Variants in PTPRN2 observed in about 807,000 individuals in gnomAD.
The protein encoded by PTPRN2 is protein tyrosine phosphatase receptor type N2.
Under a neutral mutation model 118.8 loss-of-function variants are expected in PTPRN2, and 74 were observed. The observed-to-expected ratio is 0.62, with a 90% CI of 0.52 to 0.76. The LOEUF (loss-of-function observed/expected upper bound fraction) is 0.76, where lower values mean the gene tolerates loss of function less well. Ranked by LOEUF, PTPRN2 falls within the 30% of genes least tolerant of loss-of-function variation. The pLI is 0.00. For missense variants in PTPRN2, 1,481 were observed against 1,394.4 expected (o/e 1.06, Z -0.99); for synonymous variants, 641 against 608.0 (o/e 1.05, Z -0.80).
At chr7:158,021,984 G>A (rs1806910691) in intron 11 of PTPRN2, among the ~76,000 whole-genome samples, 1 of 152,174 alleles carries the variant, frequency 6.6e-6, no homozygotes, top group Admixed American at 6.5e-5. Flanking sequence ...TGCTGCTACT[G>A]CCCTGGCTGA....
rs200877089 is a variant in PTPRN2, at chr7:158,084,806, GC to G, written c.1644-3430del. On this transcript the variant is annotated intron_variant, in intron 10 of 22. Transcript: ENST00000389418. Reference sequence around the variant, plus strand: ...ACCCACGATGCCCATCCACACGGATGCCCATACACTCCTACAATGCCCATCC... The same window carrying G: ...ACCCACGATGCCCATCCACACGGATGCCATACACTCCTACAATGCCCATCC... 4.2e-3 allele frequency among the ~76,000 whole-genome samples: 590 copies of G among 141,240 alleles called. 5 individuals are homozygous for G. Among genetic ancestry groups the G allele is most frequent in the African/African-American group, 0.015 (553 of 37,012 alleles). The allele number at this position is 141,240 out of a possible 152,430, so 92.7% of individuals were successfully genotyped here.
chr7:157,743,198 C>T (rs2150965564), intron 12 of PTPRN2, among the ~76,000 whole-genome samples: 1 of 152,310 alleles, frequency 6.6e-6, no homozygotes, highest in South Asian at 2.1e-4. Flanking sequence ...GGGGTGAGGG[C>T]AGGGGAGGCA....
At chr7:157,778,503 C>T (rs1803477848) in intron 12 of PTPRN2, among the ~76,000 whole-genome samples, 1 of 152,182 alleles carries the variant, frequency 6.6e-6, no homozygotes, top group East Asian at 1.9e-4. Context: ...CACGTGAATA[C>T]AGGTATCGAA....
At chr7:158,247,035 CAT>C (rs565047831) in intron 3 of PTPRN2, among the ~76,000 whole-genome samples, 24 of 152,204 alleles carry the variant, frequency 1.6e-4, no homozygotes, top group Admixed American at 2.6e-4. Flanking sequence ...GGCTGGGAGA[CAT>C]GTGTGAGGAC....
At chr7:157,567,934 G>A (rs981818666) in intron 21 of PTPRN2, among the ~76,000 whole-genome samples, 2 of 152,166 alleles carry the variant, frequency 1.3e-5, no homozygotes, top group Non-Finnish European at 2.9e-5. Flanking sequence ...CACCTGCCCT[G>A]TGATGCCCAA....
chr7:157,933,391 ACT>A (rs1428219277), intron 11 of PTPRN2, among the ~76,000 whole-genome samples: 1 of 140,444 alleles, frequency 7.1e-6, no homozygotes, highest in Non-Finnish European at 1.5e-5. Context: ...AGGGTGAGTC[ACT>A]CTGACTGACA....
At chr7:157,851,140 G>A (rs1350386688) in intron 12 of PTPRN2, among the ~76,000 whole-genome samples, 2 of 152,172 alleles carry the variant, frequency 1.3e-5, no homozygotes, top group Non-Finnish European at 2.9e-5. Context: ...AAATATCTGT[G>A]ATAATTACCA....
chr7:158,566,602 C>A (rs1827687118), intron 1 of PTPRN2, among the ~76,000 whole-genome samples: 1 of 152,216 alleles, frequency 6.6e-6, no homozygotes, highest in Non-Finnish European at 1.5e-5. Context: ...TTTCTGAATT[C>A]CCTCCTCTAA....
At chr7:157,871,335 T>C (rs1811033174) in intron 12 of PTPRN2, among the ~76,000 whole-genome samples, 1 of 152,008 alleles carries the variant, frequency 6.6e-6, no homozygotes, top group African/African-American at 2.4e-5. Context: ...GCCCTGCAGG[T>C]GATTCTGATG....
chr7:157,573,106 C>T (rs184732504), intron 19 of PTPRN2, among the ~76,000 whole-genome samples: 24 of 152,316 alleles, frequency 1.6e-4, no homozygotes, highest in African/African-American at 5.1e-4. Flanking sequence ...TGTAAAGCAT[C>T]GAGGGCTCCT....
At position 158,236,734 on chromosome 7, in the gene PTPRN2, G is replaced by A. The variant is rs920141510; in HGVS notation, c.278-31461C>T. Among the ~76,000 whole-genome samples, 13 of 152,250 alleles carry A rather than the reference G, an allele frequency of 8.5e-5. 1 individual carries two copies. Among genetic ancestry groups the A allele is most frequent in the Admixed American group, 5.9e-4 (9 of 15,298 alleles). Reference sequence around the variant, plus strand: ...GTCACCCAGTTACCTGGTGGAACCCGTCCCCACCCAGCCACTCTGTTACCA... The same window carrying A: ...GTCACCCAGTTACCTGGTGGAACCCATCCCCACCCAGCCACTCTGTTACCA... On this transcript the variant is annotated intron_variant, in intron 3 of 22. Transcript: ENST00000389418.
intron 6 of PTPRN2, among the ~76,000 whole-genome samples, chr7:158,163,209 T>A (rs1301363782): frequency 6.6e-6 from 1 of 152,096 alleles, no homozygotes; most frequent in Non-Finnish European, 1.5e-5. Flanking sequence ...ATTCTCTGTA[T>A]ATTTCATAGG....
chr7:158,328,295 G>A (rs1803818666), intron 2 of PTPRN2, among the ~76,000 whole-genome samples: 1 of 152,358 alleles, frequency 6.6e-6, no homozygotes, highest in Non-Finnish European at 1.5e-5. Flanking sequence ...CAGATTTAAG[G>A]AGCCGTTGGA....
rs1248002533 is a variant in PTPRN2, at chr7:158,255,548, G to A, written c.278-50275C>T. 1.8e-4 allele frequency among the ~76,000 whole-genome samples: 28 copies of A among 152,044 alleles called. 2 individuals are homozygous for A. The highest frequency in any genetic ancestry group is 1.8e-3 in the Admixed American group (27 of 15,266). On this transcript the variant is annotated intron_variant, in intron 3 of 22. Coordinates refer to ENST00000389418, the MANE Select transcript of PTPRN2 (RefSeq NM_002847.5). ...CGGATTTGGGGAACTGCAGAGGACA[G>A]TATGTGTGTACAGAGAATTACACAA... is the stretch of plus-strand genomic sequence containing the variant.
chr7:158,402,989 T>C (rs1025638195), intron 2 of PTPRN2, among the ~76,000 whole-genome samples: 1 of 152,224 alleles, frequency 6.6e-6, no homozygotes, highest in African/African-American at 2.4e-5. Flanking sequence ...TGAAAACCCA[T>C]GAGCAGCCCC....
chr7:158,277,082 C>T (rs1334913237), intron 3 of PTPRN2, among the ~76,000 whole-genome samples: 3 of 152,184 alleles, frequency 2.0e-5, no homozygotes, highest in South Asian at 4.1e-4. Flanking sequence ...ACAGCCCCTT[C>T]GTCAGAAGCC....
chr7:158,302,567 G>C (rs1214204516), intron 3 of PTPRN2, among the ~76,000 whole-genome samples: 1 of 152,210 alleles, frequency 6.6e-6, no homozygotes, highest in Non-Finnish European at 1.5e-5. Context: ...TCAGAGTTTG[G>C]TCCCAGCACA....
intron 1 of PTPRN2, among the ~76,000 whole-genome samples, chr7:158,549,414 G>A (rs988721504): frequency 2.0e-5 from 3 of 152,202 alleles, no homozygotes; most frequent in South Asian, 2.1e-4. Context: ...TTGTTGCAGC[G>A]AGACTCAGAC....
At chr7:157,927,321 C>CT (rs774817764) in intron 11 of PTPRN2, among the ~76,000 whole-genome samples, 1,345 of 59,704 alleles carry the variant, frequency 0.023, 48 homozygotes, top group East Asian at 0.045. Flanking sequence ...TTCTGGGACC[C>CT]CAAGACAGGA....
Sources: allele counts gnomAD v4.1 joint callset (sites outside exome capture counted in the v4.1 genomes callset), GRCh38; gene constraint gnomAD v4.1.1; transcripts MANE v1.5; gene names NCBI Gene and HGNC (gene_info 2026-07-23, HGNC 2026-07-21).